Variants in PACS1 observed in about 807,000 individuals in gnomAD.
The protein encoded by PACS1 is phosphofurin acidic cluster sorting protein 1.
PACS1 carries 24 observed loss-of-function variants against 115.0 expected under a neutral mutation model. That is an observed-to-expected ratio of 0.21 (90% confidence interval 0.15 to 0.29). The LOEUF is 0.29. Ranked by LOEUF, PACS1 falls within the 10% of genes least tolerant of loss-of-function variation. The pLI, the probability that PACS1 is intolerant of heterozygous loss-of-function variation, is 1.00. For synonymous variants in PACS1, 453 were observed against 504.5 expected (o/e 0.90, Z 1.37); for missense variants, 838 against 1,251.2 (o/e 0.67, Z 4.98).
At chr11:66,180,975 C>T (rs1224802927) in intron 1 of PACS1, among the ~76,000 whole-genome samples, 2 of 152,064 alleles carry the variant, frequency 1.3e-5, no homozygotes, top group Non-Finnish European at 2.9e-5. Context: ...ACCATTATCC[C>T]TTTTATTTCT....
Position 66,235,327 on chromosome 11 carries a change from A to G in PACS1, c.2131A>G (p.Met711Val), listed in dbSNP as rs1590840532. ...SEQLDVAGRV[M>V]QYVNGAATTH... is the part of the protein sequence containing the mutation. ...GCAACTGGACGTGGCAGGGCGGGTG[A>G]TGCAGTACGTCAACGGGGCAGCCAC... is the stretch of plus-strand genomic sequence containing the variant. Residue 711 changes from methionine (M) to valine (V), a missense_variant, in exon 18 of 24, where the codon ATG becomes GTG. Transcript: ENST00000320580. The surrounding 1 kb of genome is among the most constrained non-coding windows in gnomAD (Gnocchi z 5.6). The G allele has an allele frequency of 6.2e-7, 1 of 1,614,002 alleles. No homozygotes were observed. The highest frequency in any genetic ancestry group is 8.5e-7 in the Non-Finnish European group (1 of 1,179,924).
In PACS1 at chr11:66,105,428, C is replaced by T. The variant is rs1858015548; in HGVS notation, c.356+34586C>T. ...ACAAGAGTGAAACTCTGTTTCAAAACAAACAAACAAACTGGTAATTATGAT... is the reference window on the plus strand; with the variant it reads ...ACAAGAGTGAAACTCTGTTTCAAAATAAACAAACAAACTGGTAATTATGAT... On this transcript the variant is annotated intron_variant, in intron 1 of 23. Transcript: ENST00000320580. Among the ~76,000 whole-genome samples, 3 of 151,998 alleles carry T rather than the reference C, an allele frequency of 2.0e-5. No homozygotes were observed. The South Asian group carries it at 6.2e-4, about 32-fold the overall frequency.
chr11:66,231,977 C>A, intron 13 of PACS1, 195 bp from the exon 14 acceptor site: 1 of 554,102 alleles, frequency 1.8e-6, no homozygotes, highest in Non-Finnish European at 3.2e-6. Flanking sequence ...CCTCTAAGGA[C>A]TCGCTTTGCT....
chr11:66,154,289 A>G (rs548311092), intron 1 of PACS1, among the ~76,000 whole-genome samples: 3 of 152,220 alleles, frequency 2.0e-5, no homozygotes, highest in East Asian at 1.9e-4. Flanking sequence ...AGTTTTAAAA[A>G]TTAGCTTATT....
chr11:66,099,521 G>A (rs1163733940), intron 1 of PACS1, among the ~76,000 whole-genome samples: 1 of 151,832 alleles, frequency 6.6e-6, no homozygotes, highest in Non-Finnish European at 1.5e-5. Flanking sequence ...ACCGTGCCCA[G>A]CCTATCACTT....
chr11:66,145,228 G>A (rs887322762), intron 1 of PACS1, among the ~76,000 whole-genome samples: 1 of 152,184 alleles, frequency 6.6e-6, no homozygotes, highest in African/African-American at 2.4e-5. Flanking sequence ...AACAATGGGA[G>A]TCTTTGACTC....
chr11:66,092,354 C>A (rs1857682094), intron 1 of PACS1, among the ~76,000 whole-genome samples: 1 of 152,010 alleles, frequency 6.6e-6, no homozygotes, highest in Admixed American at 6.5e-5. Context: ...CCTTCGCCCA[C>A]TTTTTGATGG....
chr11:66,179,020 G>T (rs187313370), intron 1 of PACS1, among the ~76,000 whole-genome samples: 7 of 152,248 alleles, frequency 4.6e-5, no homozygotes, highest in African/African-American at 1.7e-4. Context: ...CAAAGTGAAT[G>T]AATGTATTAA....
chr11:66,070,552 A>T lies in PACS1; in HGVS notation c.66A>T (p.Gly22=). 1 of 1,414,286 alleles carries T rather than the reference A, an allele frequency of 7.1e-7. No homozygotes were observed. Among genetic ancestry groups the T allele is most frequent in the Non-Finnish European group, 9.2e-7 (1 of 1,090,828 alleles). 87.6% of individuals were successfully genotyped at this position (1,414,286 alleles called of 1,614,324 possible). A position where few individuals can be genotyped will look rare whatever the true frequency, so the allele number is the denominator to read the frequency against. The part of the protein sequence containing the change: ...GGAGGGSGQR[G]SGVAQSPQQP... ...CCGGGGGCGGCAGCGGCCAGCGGGG[A>T]TCCGGGGTCGCCCAGTCCCCTCAGC... Residue 22 remains glycine, a synonymous_variant, in exon 1 of 24, where the codon GGA becomes GGT. Transcript: ENST00000320580. This position sits in a 1 kb window ranked among gnomAD's most constrained non-coding sequence, Gnocchi z 5.9.
At chr11:66,136,143 G>C (rs547031197) in intron 1 of PACS1, among the ~76,000 whole-genome samples, 1 of 152,272 alleles carries the variant, frequency 6.6e-6, no homozygotes, top group South Asian at 2.1e-4. Flanking sequence ...TGGCTATGCT[G>C]CTGAGACCTC....
chr11:66,234,236 G>A lies in PACS1; in HGVS notation c.2098G>A (p.Val700Met). Residue 700 changes from valine (V) to methionine (M), a missense_variant, in exon 17 of 24, where the codon GTG (valine) becomes ATG (methionine). This residue lies in a region of PACS1 where 383 missense variants were observed against 537.0 expected (regional missense o/e 0.71). Transcript: ENST00000320580. ...TCTGTTCAGTCGCTCGGAGCCACCA[G>A]TGTCAGGTAATGGCCCCGTGTAAGG... ...RDLFSRSEPP[V>M]SEQLDVAGRV... is the part of the protein sequence containing the mutation. The A allele has an allele frequency of 6.2e-7, 1 of 1,611,308 alleles. No individual in the cohort carries two copies. Among genetic ancestry groups the A allele is most frequent in the Non-Finnish European group, 8.5e-7 (1 of 1,177,384 alleles).
At chr11:66,217,541 C>G in intron 7 of PACS1, 1 of 456,170 alleles carries the variant, frequency 2.2e-6, no homozygotes, top group Non-Finnish European at 4.4e-6. Flanking sequence ...CCCTGAGAGC[C>G]GAGATGCCCA....
chr11:66,204,243 C>T (rs1368566478), intron 2 of PACS1, among the ~76,000 whole-genome samples: 1 of 152,162 alleles, frequency 6.6e-6, no homozygotes, highest in Admixed American at 6.5e-5. Context: ...TCTGAATAGA[C>T]ATCTCTCAAA....
intron 1 of PACS1, among the ~76,000 whole-genome samples, chr11:66,075,041 C>T (rs575889796): frequency 7.3e-6 from 1 of 136,744 alleles, no homozygotes; most frequent in African/African-American, 2.7e-5. Flanking sequence ...CTCCCAGGTT[C>T]GCTCCATTCT....
rs1447036857 is a variant in PACS1, at chr11:66,235,260, G to A, written c.2105-41G>A. Reference sequence around the variant, plus strand: ...GAGAGGGTCTGCAGGTTTGCCAGCTGAAGTCAGTAGGCAGTTAGTGATCTC... The same window carrying A: ...GAGAGGGTCTGCAGGTTTGCCAGCTAAAGTCAGTAGGCAGTTAGTGATCTC... On this transcript the variant is annotated intron_variant, in intron 17 of 23. Transcript: ENST00000320580. The surrounding 1 kb of genome is among the most constrained non-coding windows in gnomAD (Gnocchi z 5.6). 1.3e-6 allele frequency: 2 copies of A among 1,497,976 alleles called. No individual in the cohort carries two copies. The highest frequency in any genetic ancestry group is 1.7e-4 in the Middle Eastern group (1 of 5,824). 92.8% of individuals were successfully genotyped at this position (1,497,976 alleles called of 1,614,324 possible).
intron 1 of PACS1, among the ~76,000 whole-genome samples, chr11:66,164,589 T>TTATGTAA: frequency 6.9e-6 from 1 of 145,390 alleles, no homozygotes; most frequent in South Asian, 2.1e-4. Context: ...TATATATGTA[T>TTATGTAA]TATATAATAT....
At chr11:66,178,817 C>T (rs1304500852) in intron 1 of PACS1, among the ~76,000 whole-genome samples, 2 of 152,056 alleles carry the variant, frequency 1.3e-5, no homozygotes, top group Admixed American at 6.6e-5. Context: ...AGAAACCTCA[C>T]TATACTTGAG....
intron 1 of PACS1, among the ~76,000 whole-genome samples, chr11:66,187,646 T>C (rs1305992973): frequency 6.6e-6 from 1 of 152,226 alleles, no homozygotes; most frequent in East Asian, 1.9e-4. Context: ...TCTCACACTT[T>C]TTTATGGCTG....
intron 1 of PACS1, among the ~76,000 whole-genome samples, chr11:66,085,263 C>G (rs1857545922): frequency 6.6e-6 from 1 of 152,106 alleles, no homozygotes; most frequent in African/African-American, 2.4e-5. Flanking sequence ...TTCCTAGGAG[C>G]TGCTCTGTGA....
Sources: allele counts gnomAD v4.1 joint callset (sites outside exome capture counted in the v4.1 genomes callset), GRCh38; gene constraint gnomAD v4.1.1; regional missense constraint gnomAD v4.1.1; non-coding constraint Gnocchi (gnomAD v3.1); transcripts MANE v1.5; gene names NCBI Gene and HGNC (gene_info 2026-07-23, HGNC 2026-07-21).